EMSY: variants seen among roughly 807,000 people sequenced by gnomAD.
EMSY encodes the protein BRCA2-interacting transcriptional repressor EMSY.
In EMSY, 26 loss-of-function variants were observed where a neutral mutation model predicts 134.6. The observed-to-expected ratio is 0.19, with a 90% CI of 0.14 to 0.27. The LOEUF (loss-of-function observed/expected upper bound fraction) is 0.27, where lower values mean the gene tolerates loss of function less well. Ranked by LOEUF, EMSY falls within the 10% of genes least tolerant of loss-of-function variation. EMSY has a pLI of 1.00. For missense variants in EMSY, 1,305 were observed against 1,611.4 expected (o/e 0.81, Z 3.26); for synonymous variants, 579 against 577.8 (o/e 1.00, Z -0.03).
intron 12 of EMSY, among the ~76,000 whole-genome samples, chr11:76,524,813 C>T (rs1950786686): frequency 6.6e-6 from 1 of 152,144 alleles, no homozygotes; most frequent in Non-Finnish European, 1.5e-5. Context: ...CACTTGAGCC[C>T]AAGAGTTTGA....
chr11:76,504,880 A>G (rs529095117), intron 9 of EMSY, among the ~76,000 whole-genome samples: 19 of 152,194 alleles, frequency 1.2e-4, no homozygotes, highest in African/African-American at 4.6e-4. Flanking sequence ...AAAAGATTAC[A>G]TTAAGTTCAA....
chr11:76,542,268 C>T (rs749563777), exon 18 of EMSY: 3 of 1,614,214 alleles, frequency 1.9e-6, no homozygotes, highest in South Asian at 1.1e-5. Flanking sequence ...GGACCCTGCT[C>T]CAGCATGTGG....
chr11:76,487,864 G>C (rs183044220), intron 8 of EMSY, among the ~76,000 whole-genome samples: 8 of 152,274 alleles, frequency 5.3e-5, no homozygotes, highest in Non-Finnish European at 8.8e-5. Flanking sequence ...AAAGATTTTG[G>C]ATAAGTGATA....
chr11:76,496,914 C>T (rs1236149978), intron 9 of EMSY: 2 of 285,538 alleles, frequency 7.0e-6, no homozygotes, highest in African/African-American at 4.6e-5. Flanking sequence ...TCTAGAACTT[C>T]CAATACTATG....
intron 17 of EMSY, among the ~76,000 whole-genome samples, chr11:76,541,810 A>G (rs1951451222): frequency 6.6e-6 from 1 of 152,192 alleles, no homozygotes; most frequent in Non-Finnish European, 1.5e-5. Context: ...TTCCTTAAAG[A>G]TATTATTTTG....
chr11:76,544,867 C>T lies in EMSY; in HGVS notation c.3273+45C>T, dbSNP rs17134958. On this transcript the variant is annotated intron_variant, in intron 19 of 20. Transcript: ENST00000334736. ...ATGCAAAGTTAAACTTCTCTGTTCA[C>T]GGAAAAAAAAATGAGAACATCACGA... 4,201 of 1,559,530 alleles carry T rather than the reference C, an allele frequency of 2.7e-3. 92 individuals are homozygous for T. The African/African-American group carries it at 0.05, about 19-fold the overall frequency.
intron 7 of EMSY, among the ~76,000 whole-genome samples, chr11:76,471,291 C>T (rs1196743861): frequency 1.3e-5 from 2 of 152,136 alleles, no homozygotes; most frequent in Non-Finnish European, 2.9e-5. Context: ...TTCTCATATA[C>T]TCTGCACCCA....
intron 7 of EMSY, among the ~76,000 whole-genome samples, chr11:76,466,927 A>G (rs1270437439): frequency 6.6e-6 from 1 of 152,252 alleles, no homozygotes; most frequent in East Asian, 1.9e-4. Flanking sequence ...AAAGAGCAAC[A>G]TAAGGTATGT....
chr11:76,525,111 T>G (rs1950799167), intron 12 of EMSY, among the ~76,000 whole-genome samples: 1 of 152,164 alleles, frequency 6.6e-6, no homozygotes, highest in Non-Finnish European at 1.5e-5. Flanking sequence ...AGAGCTTTTT[T>G]GAAAAACAGG....
At chr11:76,505,362 ATTTT>A (rs372496170) in intron 9 of EMSY, among the ~76,000 whole-genome samples, 5 of 126,744 alleles carry the variant, frequency 3.9e-5, no homozygotes, top group Admixed American at 8.1e-5. Context: ...CGCCCGGCTA[ATTTT>A]TTTTTTTTTT....
intron 2 of EMSY, 24 bp downstream of exon 2, chr11:76,447,032 T>C (rs755130440): frequency 1.2e-6 from 2 of 1,610,966 alleles, no homozygotes; most frequent in East Asian, 4.5e-5. Flanking sequence ...TGTTTGTTTT[T>C]TACCTCTCTC....
At chr11:76,505,298 C>G (rs1400649779) in intron 9 of EMSY, among the ~76,000 whole-genome samples, 1 of 150,378 alleles carries the variant, frequency 6.6e-6, no homozygotes, top group Non-Finnish European at 1.5e-5. Context: ...TGGGTTCAAG[C>G]AATTCTCCTG....
At chr11:76,469,486 A>G (rs961342590) in intron 7 of EMSY, among the ~76,000 whole-genome samples, 2 of 152,226 alleles carry the variant, frequency 1.3e-5, no homozygotes, top group South Asian at 4.1e-4. Flanking sequence ...TTTAAGTGAA[A>G]CAAAGTATAT....
intron 1 of EMSY, among the ~76,000 whole-genome samples, chr11:76,446,119 ATACT>A (rs1228658666): frequency 1.3e-5 from 2 of 152,006 alleles, no homozygotes; most frequent in East Asian, 3.9e-4. Context: ...CATTTAACAA[ATACT>A]TAGAGCGGCT....
intron 3 of EMSY, 136 bp from the exon 4 acceptor site, chr11:76,453,178 A>T: frequency 1.6e-6 from 1 of 614,036 alleles, no homozygotes; most frequent in Non-Finnish European, 2.8e-6. Context: ...TATATATATT[A>T]GACTCCTGTC....
At chr11:76,458,269 C>T (rs1168240265) in exon 5 of EMSY, 2 of 1,613,962 alleles carry the variant, frequency 1.2e-6, no homozygotes, top group African/African-American at 2.7e-5. Context: ...CCCCAAACCG[C>T]CTTTACTGTA....
intron 7 of EMSY, among the ~76,000 whole-genome samples, chr11:76,471,934 C>A (rs927896008): frequency 2.6e-5 from 4 of 152,142 alleles, no homozygotes; most frequent in Admixed American, 6.5e-5. Flanking sequence ...TGGGTAGCAC[C>A]ATGGTTCATA....
At chr11:76,472,279 A>C (rs1948602815) in intron 7 of EMSY, among the ~76,000 whole-genome samples, 1 of 151,774 alleles carries the variant, frequency 6.6e-6, no homozygotes, top group African/African-American at 2.4e-5. Context: ...AGAGTGTGCC[A>C]ATTTATACTC....
intron 14 of EMSY, among the ~76,000 whole-genome samples, chr11:76,529,997 T>A (rs1950976718): frequency 6.6e-6 from 1 of 152,146 alleles, no homozygotes; most frequent in African/African-American, 2.4e-5. Flanking sequence ...GCAGATAAAA[T>A]GTTTAGTATG....
Sources: gnomAD v4.1 joint callset for allele counts (sites outside exome capture counted in the v4.1 genomes callset) on GRCh38, gnomAD v4.1.1 for gene constraint, MANE v1.5 for transcripts, NCBI Gene and HGNC (gene_info 2026-07-23, HGNC 2026-07-21) for gene names.